NAA40: variants seen among roughly 807,000 people sequenced by gnomAD.
The protein encoded by NAA40 is N-alpha-acetyltransferase 40.
Under a neutral mutation model 36.6 loss-of-function variants are expected in NAA40, and 26 were observed. The observed-to-expected ratio is 0.71, with a 90% CI of 0.52 to 0.98. The LOEUF (loss-of-function observed/expected upper bound fraction) is 0.98. NAA40 is among the 50% of genes least tolerant of loss of function. The probability of loss-of-function intolerance (pLI) is 0.00; values close to 1 mark genes in which losing one functional copy is unlikely to be tolerated. For missense variants in NAA40, 237 were observed against 306.5 expected (o/e 0.77, Z 1.69); for synonymous variants, 129 against 108.4 (o/e 1.19, Z -1.18).
chr11:63,944,789 G>C (rs1942158869), intron 1 of NAA40, among the ~76,000 whole-genome samples: 1 of 151,624 alleles, frequency 6.6e-6, no homozygotes, highest in Non-Finnish European at 1.5e-5. Context: ...TGTAATCCCA[G>C]CTACTTGGGA....
At chr11:63,947,998 G>A (rs1255971956) in intron 3 of NAA40, among the ~76,000 whole-genome samples, 1 of 151,990 alleles carries the variant, frequency 6.6e-6, no homozygotes, top group Non-Finnish European at 1.5e-5. Flanking sequence ...GGGATTACAG[G>A]TGTGAGCCAC....
rs1049466853 is a variant in NAA40 at position 63,955,781 on chromosome 11, C to T, written c.*1302C>T. 1 of 152,282 alleles carries T rather than the reference C, an allele frequency of 6.6e-6. No homozygotes were observed. Among genetic ancestry groups the T allele is most frequent in the Non-Finnish European group, 1.5e-5 (1 of 68,056 alleles). 9.4% of individuals were successfully genotyped at this position (152,282 alleles called of 1,614,324 possible). On this transcript the variant is annotated 3_prime_UTR_variant, in exon 8 of 8. Transcript: ENST00000377793. The stretch of plus-strand genomic sequence containing the variant: ...GCTCAGAACTAATGCTCATCCTGAT[C>T]TCTAGGCCTTGTTCCTCTTCCAGGG...
intron 1 of NAA40, among the ~76,000 whole-genome samples, chr11:63,945,510 G>T (rs564582416): frequency 1.3e-5 from 2 of 152,166 alleles, no homozygotes; most frequent in Non-Finnish European, 2.9e-5. Context: ...AGGAGGGAGC[G>T]GGTGAGTGAA....
chr11:63,950,408 T>C (rs1412724413), intron 3 of NAA40, among the ~76,000 whole-genome samples: 1 of 152,128 alleles, frequency 6.6e-6, no homozygotes, highest in Non-Finnish European at 1.5e-5. Context: ...CGTGAGCCAC[T>C]GCGCCCGGCC....
In NAA40 at chr11:63,939,023, G is replaced by C; in HGVS notation, c.-74G>C. 4 of 1,524,362 alleles carry C rather than the reference G, an allele frequency of 2.6e-6. No homozygotes were observed. The highest frequency in any genetic ancestry group is 1.5e-5 in the African/African-American group (1 of 68,164). The allele number at this position is 1,524,362 out of a possible 1,614,324, so 94.4% of individuals were successfully genotyped here. A position where few individuals can be genotyped will look rare whatever the true frequency, so the allele number is the denominator to read the frequency against. ...GGCCGTCCGCTCTGCTGCCGCCGCT[G>C]TTGCAGCCACCGCCGTTGCCGCCTC... On this transcript the variant is annotated 5_prime_UTR_variant, in exon 1 of 8. Coordinates refer to ENST00000377793, the MANE Select transcript of NAA40 (RefSeq NM_024771.4).
chr11:63,943,349 C>T (rs775023549), intron 1 of NAA40, among the ~76,000 whole-genome samples: 2 of 152,168 alleles, frequency 1.3e-5, no homozygotes, highest in Non-Finnish European at 2.9e-5. Context: ...TGTGTTGGCA[C>T]GCTGTTACCA....
Position 63,952,856 on chromosome 11 carries a change from T to A in NAA40, c.494+17T>A. ...GGCCAACAGGTAAGGCCTCCCTTCT[T>A]AGGAGGCCCATATAGCACTCAGTTG... On this transcript the variant is annotated intron_variant, in intron 6 of 7. Coordinates refer to ENST00000377793, the MANE Select transcript of NAA40 (RefSeq NM_024771.4). 2 of 1,606,190 alleles carry A rather than the reference T, an allele frequency of 1.2e-6. No individual in the cohort carries two copies. Among genetic ancestry groups the A allele is most frequent in the Non-Finnish European group, 1.7e-6 (2 of 1,173,000 alleles).
rs897861114 is a variant in NAA40 at position 63,946,672 on chromosome 11, T to C, written c.103-279T>C. ...AGCCTCTTCTTTGGGTTAGCTGTGC[T>C]GTGAGCAGGTTGTATGCCCACAGGC... On this transcript the variant is annotated intron_variant, in intron 2 of 7. Transcript: ENST00000377793. 23 of 1,440,956 alleles carry C rather than the reference T, an allele frequency of 1.6e-5. No homozygotes were observed. In the East Asian group the frequency reaches 2.7e-4, roughly 17 times the overall value. 89.3% of individuals were successfully genotyped at this position (1,440,956 alleles called of 1,614,324 possible). A position where few individuals can be genotyped will look rare whatever the true frequency, so the allele number is the denominator to read the frequency against.
At chr11:63,952,150 CT>C in intron 3 of NAA40, 87 bp from the exon 4 acceptor site, 2 of 1,042,184 alleles carry the variant, frequency 1.9e-6, no homozygotes, top group East Asian at 2.4e-5. Context: ...GAGACTGGGC[CT>C]TCCTCCCTGT....
At chr11:63,942,996 C>T (rs1217397105) in intron 1 of NAA40, among the ~76,000 whole-genome samples, 1 of 152,186 alleles carries the variant, frequency 6.6e-6, no homozygotes, top group Non-Finnish European at 1.5e-5. Context: ...TTTCTGGGTT[C>T]TGGGCGTTAC....
At chr11:63,952,889 C>G (rs765853512) in intron 6 of NAA40, 50 bp downstream of exon 6, 6 of 1,518,178 alleles carry the variant, frequency 4.0e-6, no homozygotes, top group African/African-American at 1.4e-5. Flanking sequence ...TTGGAAGGAG[C>G]TGTCACTGAG....
At chr11:63,940,279 G>C (rs547012990) in intron 1 of NAA40, among the ~76,000 whole-genome samples, 1 of 152,210 alleles carries the variant, frequency 6.6e-6, no homozygotes, top group Admixed American at 6.5e-5. Flanking sequence ...TCGAACTCCT[G>C]ACCTCGTGAT....
At position 63,945,783 on chromosome 11, in the gene NAA40, A is replaced by G. The variant is rs972246047; in HGVS notation, c.7-57A>G. On this transcript the variant is annotated intron_variant, in intron 1 of 7. Transcript: ENST00000377793. The stretch of plus-strand genomic sequence containing the variant: ...GGGCCCTTCGATTCCTTAAAGGGAA[A>G]GTCAGTGCTTGATTGGCCACAGCCA... The G allele has an allele frequency of 1.6e-5, 24 of 1,473,092 alleles. No homozygotes were observed. The Admixed American group carries it at 3.8e-4, about 24-fold the overall frequency. 91.3% of individuals were successfully genotyped at this position (1,473,092 alleles called of 1,614,324 possible).
At chr11:63,942,961 A>G (rs975594190) in intron 1 of NAA40, among the ~76,000 whole-genome samples, 1 of 152,152 alleles carries the variant, frequency 6.6e-6, no homozygotes, top group Admixed American at 6.5e-5. Context: ...TAGAAGTGAG[A>G]TGGAGGGAAC....
At chr11:63,949,630 G>T (rs1251926654) in intron 3 of NAA40, among the ~76,000 whole-genome samples, 3 of 151,998 alleles carry the variant, frequency 2.0e-5, no homozygotes, top group African/African-American at 7.3e-5. Context: ...GGGCTCTGGG[G>T]GATTGAATTG....
At chr11:63,952,643 C>T in intron 5 of NAA40, 78 bp downstream of exon 5, 1 of 1,602,002 alleles carries the variant, frequency 6.2e-7, no homozygotes, top group Non-Finnish European at 8.5e-7. Flanking sequence ...GTGACAAAGC[C>T]CCTGGACCTA....
At chr11:63,941,085 A>G (rs769357076) in intron 1 of NAA40, among the ~76,000 whole-genome samples, 1 of 152,226 alleles carries the variant, frequency 6.6e-6, no homozygotes, top group Non-Finnish European at 1.5e-5. Context: ...TATGCCCCAG[A>G]GATTCTGCGA....
At chr11:63,939,231 C>A in intron 1 of NAA40, 129 bp downstream of exon 1, 1 of 1,269,598 alleles carries the variant, frequency 7.9e-7, no homozygotes, top group Non-Finnish European at 1.0e-6. Flanking sequence ...CTGACCCCCA[C>A]ATGACCCGAC....
At chr11:63,950,055 GT>G (rs1157050627) in intron 3 of NAA40, among the ~76,000 whole-genome samples, 5 of 150,320 alleles carry the variant, frequency 3.3e-5, no homozygotes, top group Admixed American at 1.3e-4. Context: ...AACTTGGAAG[GT>G]TTTTTTTAAG....
Sources: allele counts gnomAD v4.1 joint callset (sites outside exome capture counted in the v4.1 genomes callset), GRCh38; gene constraint gnomAD v4.1.1; transcripts MANE v1.5; gene names NCBI Gene and HGNC (gene_info 2026-07-23, HGNC 2026-07-21).